RAD54B: variants seen among roughly 807,000 people sequenced by gnomAD.
RAD54B encodes DNA repair and recombination protein RAD54B.
A neutral mutation model predicts 95.8 loss-of-function variants in RAD54B; 78 were observed. That is an observed-to-expected ratio of 0.81 (90% CI 0.68 to 0.98). The LOEUF (loss-of-function observed/expected upper bound fraction) is 0.98, where lower values mean the gene tolerates loss of function less well. Ranked by LOEUF, RAD54B falls within the 50% of genes least tolerant of loss-of-function variation. The probability of loss-of-function intolerance (pLI) is 0.00; values close to 1 mark genes in which losing one functional copy is unlikely to be tolerated. For missense variants in RAD54B, 957 were observed against 1,056.6 expected (o/e 0.91, Z 1.31); for synonymous variants, 328 against 354.9 (o/e 0.92, Z 0.85).
chr8:94,422,617 A>AAAAATATAT (rs1554606249), intron 3 of RAD54B, among the ~76,000 whole-genome samples: 1 of 43,572 alleles, frequency 2.3e-5, no homozygotes, highest in Non-Finnish European at 3.9e-5. Flanking sequence ...AAAAAAAAAA[A>AAAAATATAT]ATATATATAT....
chr8:94,396,411 G>GT (rs1173500782), intron 8 of RAD54B, among the ~76,000 whole-genome samples: 1 of 149,034 alleles, frequency 6.7e-6, no homozygotes, highest in African/African-American at 2.5e-5. Context: ...CTTTTTCTTT[G>GT]TTTTTTGGTT....
In RAD54B at chr8:94,380,405, C is replaced by T. The variant is rs767078302; in HGVS notation, c.1987G>A (p.Val663Met). ...VIHELRPTEKVVLVSNYTQTL... is the reference protein window; with the variant it reads ...VIHELRPTEKMVLVSNYTQTL... ...TGTGTATAGTTGGATACCAACACCA[C>T]CCTGTCAATCAAAAAGAAAGATTCT... The change falls in exon 12 of 15, where the codon GTG (valine) becomes ATG (methionine). Residue 663 changes from valine to methionine, a missense_variant and splice_region_variant. Coordinates refer to ENST00000336148, the MANE Select transcript of RAD54B (RefSeq NM_012415.3). 1 of 1,573,384 alleles carries T rather than the reference C, an allele frequency of 6.4e-7. No homozygotes were observed. Among genetic ancestry groups the T allele is most frequent in the East Asian group, 2.3e-5 (1 of 44,300 alleles).
chr8:94,420,717 G>A (rs546073958), intron 3 of RAD54B, among the ~76,000 whole-genome samples: 5 of 152,180 alleles, frequency 3.3e-5, no homozygotes, highest in African/African-American at 1.2e-4. Flanking sequence ...GTGCGCGGTG[G>A]CTCAGGCCTG....
chr8:94,471,490 T>C (rs768796938), intron 1 of RAD54B, among the ~76,000 whole-genome samples: 30 of 152,172 alleles, frequency 2.0e-4, no homozygotes, highest in Non-Finnish European at 3.4e-4. Flanking sequence ...TATAAGATTG[T>C]AGTATGGTTA....
intron 10 of RAD54B, 79 bp downstream of exon 10, chr8:94,391,530 T>G: frequency 7.1e-7 from 1 of 1,407,808 alleles, no homozygotes; most frequent in Non-Finnish European, 9.6e-7. Flanking sequence ...CCTCAGAAAT[T>G]AGCCCTGTCT....
At chr8:94,469,126 G>T (rs1813104956) in intron 1 of RAD54B, among the ~76,000 whole-genome samples, 1 of 147,990 alleles carries the variant, frequency 6.8e-6, no homozygotes, top group Non-Finnish European at 1.5e-5. Context: ...TAAAAAAAAA[G>T]AAAAAGAAAA....
rs76674848 is a variant in RAD54B, at chr8:94,467,785, T to C, written c.-16-230A>G. ...AGCAATATGATTAGCAAGAAGGTAATAGCTTAAAATAATGGTGAGGGAAGT... is the reference window on the plus strand; with the variant it reads ...AGCAATATGATTAGCAAGAAGGTAACAGCTTAAAATAATGGTGAGGGAAGT... On this transcript the variant is annotated intron_variant, in intron 1 of 14. Transcript: ENST00000336148. Among the ~76,000 whole-genome samples the C allele has an allele frequency of 9.9e-3, 1,506 of 152,250 alleles. 20 individuals are homozygous for C. Among genetic ancestry groups the C allele is most frequent in the African/African-American group, 0.033 (1,371 of 41,528 alleles).
At chr8:94,463,910 A>AAAAG (rs1447900325) in intron 2 of RAD54B, among the ~76,000 whole-genome samples, 12 of 149,504 alleles carry the variant, frequency 8.0e-5, no homozygotes, top group African/African-American at 2.5e-4. Flanking sequence ...AAAAAAAAAA[A>AAAAG]AAAGAAAGAA....
chr8:94,467,650 G>C, intron 1 of RAD54B, 95 bp from the exon 2 acceptor site: 2 of 1,298,070 alleles, frequency 1.5e-6, no homozygotes, highest in Non-Finnish European at 2.1e-6. Flanking sequence ...AGATGGAACA[G>C]AAACCCCTCT....
At chr8:94,456,342 C>A (rs1812778264) in intron 3 of RAD54B, among the ~76,000 whole-genome samples, 1 of 152,056 alleles carries the variant, frequency 6.6e-6, no homozygotes, top group Non-Finnish European at 1.5e-5. Flanking sequence ...CTAGCTTAAG[C>A]AAAAATGACA....
At chr8:94,399,193 A>G (rs902311562) in intron 8 of RAD54B, among the ~76,000 whole-genome samples, 2 of 152,162 alleles carry the variant, frequency 1.3e-5, no homozygotes, top group Non-Finnish European at 2.9e-5. Flanking sequence ...CCTTATCATG[A>G]TATCATTGTG....
intron 5 of RAD54B, among the ~76,000 whole-genome samples, chr8:94,407,187 G>A (rs1811411390): frequency 6.6e-6 from 1 of 151,902 alleles, no homozygotes; most frequent in Non-Finnish European, 1.5e-5. Flanking sequence ...ATACAATTTA[G>A]ATATGTTTCC....
In RAD54B at chr8:94,383,284, C is replaced by CAAAAAAAAAAAAAAAAAAAAAA. The variant is rs34552024; in HGVS notation, c.1986-2879_1986-2878insTTTTTTTTTTTTTTTTTTTTTT. Among the ~76,000 whole-genome samples the CAAAAAAAAAAAAAAAAAAAAAA allele has an allele frequency of 2.4e-5, 2 of 83,186 alleles. 1 individual carries two copies. Among genetic ancestry groups the CAAAAAAAAAAAAAAAAAAAAAA allele is most frequent in the Non-Finnish European group, 4.4e-5 (2 of 45,528 alleles). The allele number at this position is 83,186 out of a possible 152,430, so 54.6% of individuals were successfully genotyped here. On this transcript the variant is annotated intron_variant, in intron 11 of 14. Coordinates refer to ENST00000336148, the MANE Select transcript of RAD54B (RefSeq NM_012415.3). ...TGGGCAACAGAGCAAGACTCCATCT[C>CAAAAAAAAAAAAAAAAAAAAAA]AAAAAAAAAAAAAAAAAAAGCCCCA...
chr8:94,463,706 C>A (rs537824193), intron 2 of RAD54B, among the ~76,000 whole-genome samples: 1 of 151,486 alleles, frequency 6.6e-6, no homozygotes, highest in African/African-American at 2.4e-5. Flanking sequence ...AGGCAGACCC[C>A]ATCTCTATAA....
rs866404798 is a variant in RAD54B, at chr8:94,415,138, G to A, written c.305-3823C>T. On this transcript the variant is annotated intron_variant, in intron 3 of 14. Transcript: ENST00000336148. ...ACTATACTACAAGGCTACAGTAACCGAAACAGCATGGTACTGGTACCAAAA... is the reference window on the plus strand; with the variant it reads ...ACTATACTACAAGGCTACAGTAACCAAAACAGCATGGTACTGGTACCAAAA... Among the ~76,000 whole-genome samples, 188 of 151,856 alleles carry A rather than the reference G, an allele frequency of 1.2e-3. 1 individual carries two copies. The South Asian group carries it at 0.014, about 12-fold the overall frequency.
At chr8:94,428,874 T>A in intron 3 of RAD54B, 1 of 985,228 alleles carries the variant, frequency 1.0e-6, no homozygotes, top group Non-Finnish European at 1.2e-6. Context: ...AAAAAAAGGT[T>A]TGGTTCCAAA....
chr8:94,386,948 CTA>C, intron 11 of RAD54B, 34 bp downstream of exon 11: 1 of 1,464,728 alleles, frequency 6.8e-7, no homozygotes, highest in East Asian at 2.5e-5. Flanking sequence ...AACTAAAACT[CTA>C]TGAGCACTTA....
intron 3 of RAD54B, chr8:94,429,882 A>G (rs962724258): frequency 1.5e-5 from 15 of 985,418 alleles, no homozygotes; most frequent in Non-Finnish European, 1.8e-5. Context: ...GCCATAACTT[A>G]AATTTCTGAT....
chr8:94,466,552 C>T (rs1457813826), intron 2 of RAD54B, among the ~76,000 whole-genome samples: 4 of 152,034 alleles, frequency 2.6e-5, no homozygotes, highest in African/African-American at 9.6e-5. Flanking sequence ...GGATTATAGG[C>T]GCGTGCCACC....
Sources: allele counts gnomAD v4.1 joint callset (sites outside exome capture counted in the v4.1 genomes callset), GRCh38; gene constraint gnomAD v4.1.1; transcripts MANE v1.5; gene names NCBI Gene and HGNC (gene_info 2026-07-23, HGNC 2026-07-21).